SLC24A2: variants seen among roughly 807,000 people sequenced by gnomAD.
SLC24A2 encodes solute carrier family 24 member 2, also known as sodium/potassium/calcium exchanger 2.
A neutral mutation model predicts 62.0 loss-of-function variants in SLC24A2; 36 were observed. The observed-to-expected ratio is 0.58, with a 90% CI of 0.44 to 0.77. The LOEUF is 0.77. Ranked by LOEUF, SLC24A2 falls within the 30% of genes least tolerant of loss-of-function variation. The pLI, the probability that SLC24A2 is intolerant of heterozygous loss-of-function variation, is 0.00. For missense variants in SLC24A2, 846 were observed against 817.9 expected (o/e 1.03, Z -0.42); for synonymous variants, 358 against 294.0 (o/e 1.22, Z -2.23).
chr9:19,513,100 A>G lies in SLC24A2; in HGVS notation c.*3053T>C, dbSNP rs1832777444. 1 of 149,140 alleles carries G rather than the reference A, an allele frequency of 6.7e-6. No homozygotes were observed. Among genetic ancestry groups the G allele is most frequent in the Non-Finnish European group, 1.5e-5 (1 of 67,700 alleles). The allele number at this position is 149,140 out of a possible 1,614,324, so 9.2% of individuals were successfully genotyped here. On this transcript the variant is annotated 3_prime_UTR_variant, in exon 11 of 11. Transcript: ENST00000341998. ...TTAGAATCCTGAATGTGATAGGGTC[A>G]GAGGGTGATGATGTAAGTCATATTA...
At chr9:19,615,998 A>G (rs1249018570) in intron 4 of SLC24A2, among the ~76,000 whole-genome samples, 29 of 22,188 alleles carry the variant, frequency 1.3e-3, no homozygotes, top group African/African-American at 3.0e-3. Flanking sequence ...AGGCGTGCAC[A>G]CACACACACA....
intron 7 of SLC24A2, among the ~76,000 whole-genome samples, chr9:19,571,642 T>C (rs1330025038): frequency 6.6e-6 from 1 of 152,182 alleles, no homozygotes; most frequent in African/African-American, 2.4e-5. Context: ...AGAATGTGAA[T>C]TTTAAGATGA....
chr9:20,140,469 C>T, the SLC24A2 span, among the ~76,000 whole-genome samples: 3 of 152,100 alleles, frequency 2.0e-5, no homozygotes, highest in African/African-American at 7.2e-5. Context: ...CTTTCTATTC[C>T]CTTGTGAAGA....
the SLC24A2 span, among the ~76,000 whole-genome samples, chr9:20,047,536 T>C: frequency 1.4e-5 from 2 of 147,698 alleles, no homozygotes; most frequent in Non-Finnish European, 3.0e-5. Flanking sequence ...CTTATGTTTC[T>C]GAAGGCTGGA....
At chr9:19,823,441 A>G in the SLC24A2 span, among the ~76,000 whole-genome samples, 1 of 152,060 alleles carries the variant, frequency 6.6e-6, no homozygotes, top group African/African-American at 2.4e-5. Flanking sequence ...TTCTTACTTA[A>G]TAATAATCAC....
At chr9:20,149,621 TA>T in the SLC24A2 span, among the ~76,000 whole-genome samples, 1 of 152,120 alleles carries the variant, frequency 6.6e-6, no homozygotes. Flanking sequence ...GGCTGTGTTC[TA>T]ATAAAATATT....
chr9:19,925,231 T>C, the SLC24A2 span, among the ~76,000 whole-genome samples: 4 of 152,316 alleles, frequency 2.6e-5, no homozygotes, highest in South Asian at 4.1e-4. Flanking sequence ...CAAAGATATA[T>C]AGATTTATAG....
chr9:20,076,262 T>C, the SLC24A2 span, among the ~76,000 whole-genome samples: 1 of 152,158 alleles, frequency 6.6e-6, no homozygotes, highest in Non-Finnish European at 1.5e-5. Flanking sequence ...GAAATCATTT[T>C]TAGTTCCTAG....
the SLC24A2 span, among the ~76,000 whole-genome samples, chr9:20,204,393 T>A: frequency 6.6e-6 from 1 of 152,228 alleles, no homozygotes; most frequent in South Asian, 2.1e-4. Flanking sequence ...TCTACAAGCA[T>A]GGCTATTTTG....
At chr9:20,065,990 A>T in the SLC24A2 span, among the ~76,000 whole-genome samples, 1 of 152,176 alleles carries the variant, frequency 6.6e-6, no homozygotes, top group Non-Finnish European at 1.5e-5. Flanking sequence ...TAAAGGCTGG[A>T]GTCAATGCTG....
the SLC24A2 span, among the ~76,000 whole-genome samples, chr9:19,839,217 C>T: frequency 5.3e-5 from 8 of 152,072 alleles, no homozygotes; most frequent in Admixed American, 1.3e-4. Flanking sequence ...GTTAGAATGG[C>T]GATCATTAAA....
the SLC24A2 span, among the ~76,000 whole-genome samples, chr9:19,903,512 T>A: frequency 5.3e-5 from 8 of 152,178 alleles, no homozygotes; most frequent in Non-Finnish European, 1.2e-4. Context: ...CAGTCCATAG[T>A]AGGGAGGCAT....
chr9:19,838,511 C>A, the SLC24A2 span, among the ~76,000 whole-genome samples: 3 of 151,894 alleles, frequency 2.0e-5, no homozygotes, highest in Admixed American at 6.6e-5. Flanking sequence ...TGGTAGCACA[C>A]GCCTGTAATC....
the SLC24A2 span, among the ~76,000 whole-genome samples, chr9:20,046,229 A>G: frequency 6.6e-6 from 1 of 152,334 alleles, no homozygotes; most frequent in Middle Eastern, 3.4e-3. Flanking sequence ...GTGGCCAGCA[A>G]ATATCTCAAC....
At chr9:19,608,743 A>G (rs1563995563) in intron 4 of SLC24A2, among the ~76,000 whole-genome samples, 1 of 151,644 alleles carries the variant, frequency 6.6e-6, no homozygotes. Flanking sequence ...TGAGGCCCTT[A>G]GTTTCCTGCA....
the SLC24A2 span, among the ~76,000 whole-genome samples, chr9:19,902,821 C>A: frequency 1.3e-5 from 2 of 152,192 alleles, no homozygotes; most frequent in Admixed American, 1.3e-4. Context: ...CATGAACTAA[C>A]ACTTCTGAGA....
chr9:19,647,080 A>G (rs1371246504), intron 2 of SLC24A2, among the ~76,000 whole-genome samples: 2 of 150,356 alleles, frequency 1.3e-5, no homozygotes, highest in South Asian at 4.3e-4. Context: ...ACACACACAC[A>G]CACACACACA....
the SLC24A2 span, among the ~76,000 whole-genome samples, chr9:20,127,482 ATG>A: frequency 6.6e-6 from 1 of 152,160 alleles, no homozygotes; most frequent in Non-Finnish European, 1.5e-5. Context: ...AGGTGCAAAA[ATG>A]GAAAAAATAA....
the SLC24A2 span, among the ~76,000 whole-genome samples, chr9:20,295,986 T>C: frequency 2.6e-5 from 4 of 152,220 alleles, no homozygotes; most frequent in African/African-American, 4.8e-5. Context: ...AAATCAGATA[T>C]TGTTCTTTCT....
Sources: gnomAD v4.1 joint callset for allele counts (sites outside exome capture counted in the v4.1 genomes callset) on GRCh38, gnomAD v4.1.1 for gene constraint, MANE v1.5 for transcripts, NCBI Gene and HGNC (gene_info 2026-07-23, HGNC 2026-07-21) for gene names.